The following ME3 variants were observed in gnomAD, a reference collection of about 807,000 sequenced individuals.
The protein encoded by ME3 is malic enzyme 3, also known as NADP-dependent malic enzyme, mitochondrial.
A neutral mutation model predicts 68.9 loss-of-function variants in ME3; 48 were observed. The ratio of observed to expected loss-of-function variants is 0.70; its 90% CI spans 0.55 to 0.89. The LOEUF (loss-of-function observed/expected upper bound fraction) is 0.89, where lower values mean the gene tolerates loss of function less well. Among genes scored for constraint, ME3 ranks in the 40% least tolerant of loss-of-function variants. The pLI, the probability that ME3 is intolerant of heterozygous loss-of-function variation, is 0.00. For missense variants in ME3, 675 were observed against 797.4 expected (o/e 0.85, Z 1.85); for synonymous variants, 320 against 318.8 (o/e 1.00, Z -0.04).
At position 86,465,036 on chromosome 11, in the gene ME3, G is replaced by A. The variant is rs1353741605; in HGVS notation, c.919+55C>T. The A allele has an allele frequency of 1.4e-5, 19 of 1,404,846 alleles. No homozygotes were observed. The South Asian group carries it at 1.7e-4, about 13-fold the overall frequency. 87.0% of individuals were successfully genotyped at this position (1,404,846 alleles called of 1,614,324 possible). On this transcript the variant is annotated intron_variant, in intron 8 of 14. Transcript: ENST00000543262. ...CCTCACCCCTTTGGCATCCCAGTGAGGTTGAGAATATAAGTTAGTCCCCTG... is the reference window on the plus strand; with the variant it reads ...CCTCACCCCTTTGGCATCCCAGTGAAGTTGAGAATATAAGTTAGTCCCCTG...
Position 86,595,469 on chromosome 11 carries a change from G to T in ME3, c.184-35646C>A, listed in dbSNP as rs116185028. On this transcript the variant is annotated intron_variant, in intron 2 of 14. Coordinates refer to ENST00000543262, the Ensembl canonical transcript of ME3. The stretch of plus-strand genomic sequence containing the variant: ...AGAGAGTTAAGTACTTATAAAGCCA[G>T]GATCTGATCCCAATTAGTCTGCCTT... Among the ~76,000 whole-genome samples the T allele has an allele frequency of 5.8e-3, 679 of 117,162 alleles. 77 individuals are homozygous for T. The highest frequency in any genetic ancestry group is 0.021 in the African/African-American group (655 of 31,236). 76.9% of individuals were successfully genotyped at this position (117,162 alleles called of 152,430 possible).
chr11:86,498,170 G>C (rs369270609), intron 5 of ME3, 46 bp from the exon 6 acceptor site: 3 of 1,565,106 alleles, frequency 1.9e-6, no homozygotes, highest in African/African-American at 1.4e-5. Context: ...CACTTCCTGT[G>C]ACAGGGTGCT....
At chr11:86,467,056 A>G (rs897998775) in intron 7 of ME3, among the ~76,000 whole-genome samples, 1 of 151,868 alleles carries the variant, frequency 6.6e-6, no homozygotes, top group African/African-American at 2.4e-5. Flanking sequence ...TACAAATTGC[A>G]TATATTGAAG....
At chr11:86,633,232 G>A (rs192666990) in intron 2 of ME3, among the ~76,000 whole-genome samples, 3 of 152,356 alleles carry the variant, frequency 2.0e-5, no homozygotes, top group Non-Finnish European at 4.4e-5. Flanking sequence ...AAGGACATAA[G>A]CACAGTGACA....
chr11:86,626,433 C>T (rs913886208), intron 2 of ME3, among the ~76,000 whole-genome samples: 1 of 152,186 alleles, frequency 6.6e-6, no homozygotes, highest in African/African-American at 2.4e-5. Flanking sequence ...TAAAACCAGC[C>T]TCATTGCACC....
intron 10 of ME3, 57 bp downstream of exon 10, chr11:86,449,832 C>A: frequency 7.6e-7 from 1 of 1,315,526 alleles, no homozygotes; most frequent in Non-Finnish European, 1.1e-6. Context: ...TCTTCCAGTC[C>A]AGTTCCTGGG....
At chr11:86,608,017 G>T (rs1015730785) in intron 2 of ME3, among the ~76,000 whole-genome samples, 1 of 152,024 alleles carries the variant, frequency 6.6e-6, no homozygotes, top group South Asian at 2.1e-4. Flanking sequence ...GCTACTGTTT[G>T]GGGAGAAAGT....
chr11:86,468,910 A>G (rs1188489718), intron 7 of ME3, among the ~76,000 whole-genome samples: 1 of 152,198 alleles, frequency 6.6e-6, no homozygotes, highest in Non-Finnish European at 1.5e-5. Flanking sequence ...CGCTGTTTCC[A>G]GAGAAGGAAT....
At chr11:86,645,226 C>A (rs1944922681) in intron 2 of ME3, among the ~76,000 whole-genome samples, 1 of 152,148 alleles carries the variant, frequency 6.6e-6, no homozygotes. Flanking sequence ...ATTCACTCCC[C>A]TGGAAAGGGG....
intron 11 of ME3, among the ~76,000 whole-genome samples, chr11:86,447,886 A>AAGAG (rs138161389): frequency 6.7e-6 from 1 of 149,796 alleles, no homozygotes; most frequent in African/African-American, 2.4e-5. Flanking sequence ...GACAGAGAGA[A>AAGAG]AGAGAGAGAG....
intron 2 of ME3, among the ~76,000 whole-genome samples, chr11:86,594,204 C>A (rs192171358): frequency 3.7e-4 from 54 of 146,790 alleles, no homozygotes; most frequent in Non-Finnish European, 8.9e-5. Flanking sequence ...TTTTATAACT[C>A]CAGTACATAA....
At chr11:86,553,674 T>C (rs1399997699) in intron 4 of ME3, among the ~76,000 whole-genome samples, 1 of 152,184 alleles carries the variant, frequency 6.6e-6, no homozygotes, top group Non-Finnish European at 1.5e-5. Flanking sequence ...GAGGGACTAA[T>C]CCAAGAAGAT....
chr11:86,443,594 T>C (rs745539109), intron 13 of ME3, among the ~76,000 whole-genome samples: 3 of 152,240 alleles, frequency 2.0e-5, no homozygotes, highest in Admixed American at 2.0e-4. Context: ...GCCTCTTTAA[T>C]GTGGTGGTTC....
At chr11:86,531,550 G>T (rs113158976) in intron 4 of ME3, among the ~76,000 whole-genome samples, 1 of 152,104 alleles carries the variant, frequency 6.6e-6, no homozygotes, top group Non-Finnish European at 1.5e-5. Flanking sequence ...ACATGCACAC[G>T]CATGTTTATT....
At chr11:86,657,667 T>A (rs1035547819) in intron 2 of ME3, among the ~76,000 whole-genome samples, 12 of 152,328 alleles carry the variant, frequency 7.9e-5, no homozygotes, top group Non-Finnish European at 1.6e-4. Flanking sequence ...ACATGCTTGC[T>A]ATGGTATTAA....
exon 2 of ME3, chr11:86,671,771 A>G (rs778808457): frequency 6.2e-6 from 10 of 1,603,732 alleles, no homozygotes; most frequent in African/African-American, 1.4e-5. Context: ...CCTTGTTGAG[A>G]TGAGGGTTCC....
At chr11:86,560,801 T>C (rs1172125555) in intron 2 of ME3, among the ~76,000 whole-genome samples, 1 of 144,798 alleles carries the variant, frequency 6.9e-6, no homozygotes, top group Admixed American at 7.1e-5. Flanking sequence ...GATCTTGTAT[T>C]AAGTTTAGTC....
intron 2 of ME3, among the ~76,000 whole-genome samples, chr11:86,600,953 G>C (rs1194627427): frequency 6.6e-6 from 1 of 150,554 alleles, no homozygotes; most frequent in South Asian, 2.1e-4. Context: ...ATTCAAAGCA[G>C]TGTGTAGAGG....
chr11:86,439,123 T>G (rs1948912529), downstream of ME3, among the ~76,000 whole-genome samples: 1 of 152,168 alleles, frequency 6.6e-6, no homozygotes. Context: ...GCAATCTACT[T>G]TACTTAGTTT....
Sources: allele counts gnomAD v4.1 joint callset (sites outside exome capture counted in the v4.1 genomes callset), GRCh38; gene constraint gnomAD v4.1.1; transcripts MANE v1.5; gene names NCBI Gene and HGNC (gene_info 2026-07-23, HGNC 2026-07-21).